PAK4: variants seen among roughly 807,000 people sequenced by gnomAD.
PAK4 encodes the protein p21 (RAC1) activated kinase 4, also known as serine/threonine-protein kinase PAK 4.
Under a neutral mutation model 53.5 loss-of-function variants are expected in PAK4, and 49 were observed. That is an observed-to-expected ratio of 0.92 (90% CI 0.73 to 1.16). The LOEUF (loss-of-function observed/expected upper bound fraction) is 1.16. PAK4 is among the 50% of genes most tolerant of loss of function. PAK4 has a pLI of 0.00. For synonymous variants in PAK4, 376 were observed against 375.6 expected (o/e 1.00, Z -0.01); for missense variants, 824 against 850.7 (o/e 0.97, Z 0.39).
At chr19:39,170,365 T>TTA (rs1420226760) in intron 2 of PAK4, among the ~76,000 whole-genome samples, 1 of 151,844 alleles carries the variant, frequency 6.6e-6, no homozygotes, top group Non-Finnish European at 1.5e-5. Context: ...TTGGGTTTTT[T>TTA]TTTTTCTTCC....
rs2074336489 is a variant in PAK4 at position 39,164,425 on chromosome 19, G to A, written c.-22-5107G>A. ...TTGTGAGCACAGGCGGGCCTGGGAA[G>A]TCAGGGAAGGTGGGAGATCAGTGAG... On this transcript the variant is annotated intron_variant, in intron 1 of 8. Transcript: ENST00000358301. 1.3e-5 allele frequency among the ~76,000 whole-genome samples: 2 copies of A among 152,182 alleles called. 1 individual carries two copies. Among genetic ancestry groups the A allele is most frequent in the South Asian group, 4.1e-4 (2 of 4,830 alleles).
chr19:39,162,697 G>GCCT (rs1286234277), intron 1 of PAK4, among the ~76,000 whole-genome samples: 4 of 152,190 alleles, frequency 2.6e-5, no homozygotes, highest in Non-Finnish European at 5.9e-5. Flanking sequence ...TACATTGACT[G>GCCT]CCTCCTTCCT....
intron 2 of PAK4, among the ~76,000 whole-genome samples, chr19:39,171,775 C>G (rs1185154069): frequency 6.6e-6 from 1 of 152,204 alleles, no homozygotes; most frequent in Non-Finnish European, 1.5e-5. Context: ...TCTGGCAGCC[C>G]CGGGCAGGGT....
At chr19:39,180,076 A>C (rs1318702831), downstream of PAK4, 1 of 152,332 alleles carries the variant, frequency 6.6e-6, no homozygotes, top group Non-Finnish European at 1.5e-5. Flanking sequence ...CGTCATCAGC[A>C]CCAGAGACCT....
chr19:39,130,072 C>CAA, intron 1 of PAK4, among the ~76,000 whole-genome samples: 1 of 92,306 alleles, frequency 1.1e-5, no homozygotes, highest in South Asian at 3.9e-4. Context: ...GAGGCCTAGG[C>CAA]GAGGGTCAGG....
Position 39,126,235 on chromosome 19 carries a change from A to G in PAK4, c.-23+316A>G, listed in dbSNP as rs1170040556. ...AATTTGAGGGAAGGCTGCCCCCACG[A>G]GGGTCAGAGGTCACAGCCCCAGGGG... On this transcript the variant is annotated intron_variant, in intron 1 of 8. Coordinates refer to ENST00000358301, the Ensembl canonical transcript of PAK4. Among the ~76,000 whole-genome samples, 7 of 152,160 alleles carry G rather than the reference A, an allele frequency of 4.6e-5. No homozygotes were observed. The East Asian group carries it at 1.4e-3, about 29-fold the overall frequency.
At position 39,136,766 on chromosome 19, in the gene PAK4, A is replaced by C. The variant is rs189063034; in HGVS notation, c.-23+10847A>C. On this transcript the variant is annotated intron_variant, in intron 1 of 8. Transcript: ENST00000358301. ...TCAGTAAATGCTGGTTGACTGACTG[A>C]CTGACTGACTGACTGAACTGTAGTA... 2.8e-3 allele frequency among the ~76,000 whole-genome samples: 423 copies of C among 152,264 alleles called. 2 individuals carry two copies. Among genetic ancestry groups the C allele is most frequent in the Admixed American group, 4.8e-3 (74 of 15,296 alleles).
chr19:39,164,772 T>G (rs1159840346), intron 1 of PAK4, among the ~76,000 whole-genome samples: 1 of 152,164 alleles, frequency 6.6e-6, no homozygotes, highest in Non-Finnish European at 1.5e-5. Flanking sequence ...AGTCTCTGTT[T>G]CCACAGCTGC....
chr19:39,165,760 C>G (rs1332788980), intron 1 of PAK4, among the ~76,000 whole-genome samples: 1 of 152,034 alleles, frequency 6.6e-6, no homozygotes, highest in African/African-American at 2.4e-5. Flanking sequence ...TTTTCCCATT[C>G]ATGAATTGGG....
chr19:39,181,703 A>G (rs1164805734), downstream of PAK4: 1 of 152,264 alleles, frequency 6.6e-6, no homozygotes, highest in African/African-American at 2.4e-5. Flanking sequence ...AGTGCTTAGG[A>G]CAAGGGTGGT....
Position 39,173,627 on chromosome 19 carries a change from A to G in PAK4, c.715A>G (p.Ile239Val). Reference sequence around the variant, plus strand: ...CGGGCCATCAGCGGGGGGCCTGGCCATCCCCCAGTCCTCCTCCTCCTCCTC... The same window carrying G: ...CGGGCCATCAGCGGGGGGCCTGGCCGTCCCCCAGTCCTCCTCCTCCTCCTC... Residue 239 changes from isoleucine to valine, a missense_variant, in exon 4 of 9, where the codon ATC becomes GTC. Around this residue, in one of 2 missense-constraint regions of PAK4, gnomAD observed 478 missense variants for 435.8 expected, o/e 1.10. Coordinates refer to ENST00000358301, the Ensembl canonical transcript of PAK4. This position sits in a 1 kb window ranked among gnomAD's most constrained non-coding sequence, Gnocchi z 6.9. The G allele has an allele frequency of 6.5e-7, 1 of 1,545,714 alleles. No homozygotes were observed. Among genetic ancestry groups the G allele is most frequent in the Non-Finnish European group, 8.7e-7 (1 of 1,147,894 alleles).
intron 4 of PAK4, 114 bp from the exon 6 acceptor site, chr19:39,174,817 A>T: frequency 7.9e-7 from 1 of 1,259,262 alleles, no homozygotes; most frequent in Non-Finnish European, 1.1e-6. Context: ...AGGTGGCCCC[A>T]GTGAGCACAA....
intron 1 of PAK4, among the ~76,000 whole-genome samples, chr19:39,158,133 ATG>A (rs1491114008): frequency 7.4e-5 from 11 of 148,860 alleles, no homozygotes; most frequent in South Asian, 2.1e-4. Flanking sequence ...GCGTGCGTGC[ATG>A]TGTGAGCGTG....
chr19:39,164,712 T>C (rs2074340868), intron 1 of PAK4, among the ~76,000 whole-genome samples: 1 of 152,196 alleles, frequency 6.6e-6, no homozygotes, highest in African/African-American at 2.4e-5. Context: ...GACTCTGGCT[T>C]CCAGGCCCAG....
chr19:39,163,633 T>C (rs2074320970), intron 1 of PAK4, among the ~76,000 whole-genome samples: 1 of 152,174 alleles, frequency 6.6e-6, no homozygotes, highest in Non-Finnish European at 1.5e-5. Flanking sequence ...ATTCAAAAGA[T>C]TTTTTAAAAT....
intron 1 of PAK4, among the ~76,000 whole-genome samples, chr19:39,146,608 G>A (rs1435996750): frequency 3.9e-5 from 6 of 152,196 alleles, no homozygotes; most frequent in Non-Finnish European, 7.3e-5. Flanking sequence ...GGGAGGCCAA[G>A]GCAGGAGGAT....
At position 39,175,333 on chromosome 19, in the gene PAK4, G is replaced by A. The variant is rs773778954; in HGVS notation, c.1254G>A (p.Ala418=). The A allele has an allele frequency of 5.7e-6, 9 of 1,591,704 alleles. No homozygotes were observed. Among genetic ancestry groups the A allele is most frequent in the Middle Eastern group, 1.7e-4 (1 of 6,032 alleles). ...GCAGGATGAACGAGGAGCAGATCGCGGCCGTGTGCCTTGCAGTGCTGCAGG... is the reference window on the plus strand; with the variant it reads ...GCAGGATGAACGAGGAGCAGATCGCAGCCGTGTGCCTTGCAGTGCTGCAGG... Residue 418 remains alanine, a synonymous_variant, in exon 6 of 9, where the codon GCG becomes GCA. Coordinates refer to ENST00000358301, the Ensembl canonical transcript of PAK4. This position sits in a 1 kb window ranked among gnomAD's most constrained non-coding sequence, Gnocchi z 4.7.
At chr19:39,137,370 A>G (rs1286839883) in intron 1 of PAK4, among the ~76,000 whole-genome samples, 1 of 152,032 alleles carries the variant, frequency 6.6e-6, no homozygotes, top group Non-Finnish European at 1.5e-5. Context: ...GGTGATGAAT[A>G]GGAAAGACGA....
At position 39,173,322 on chromosome 19, in the gene PAK4, G is replaced by A. The variant is rs1264984333; in HGVS notation, c.609G>A (p.Arg203=). 1 of 1,595,510 alleles carries A rather than the reference G, an allele frequency of 6.3e-7. No individual in the cohort carries two copies. Among genetic ancestry groups the A allele is most frequent in the Non-Finnish European group, 8.5e-7 (1 of 1,170,576 alleles). Residue 203 remains arginine, a synonymous_variant, in exon 3 of 9, where the codon CGG becomes CGA. Transcript: ENST00000358301. This position sits in a 1 kb window ranked among gnomAD's most constrained non-coding sequence, Gnocchi z 6.9. Reference sequence around the variant, plus strand: ...GTGGGGCGAAACTGGCAGCTGGCCGGCCCTTTAACACCTACCCGAGGGCTG... The same window carrying A: ...GTGGGGCGAAACTGGCAGCTGGCCGACCCTTTAACACCTACCCGAGGGCTG...
Sources: gnomAD v4.1 joint callset for allele counts (sites outside exome capture counted in the v4.1 genomes callset) on GRCh38, gnomAD v4.1.1 for gene constraint, gnomAD v4.1.1 regional missense constraint, Gnocchi (gnomAD v3.1) non-coding constraint, MANE v1.5 for transcripts, NCBI Gene and HGNC (gene_info 2026-07-23, HGNC 2026-07-21) for gene names.